The following TBC1D19 variants were observed in gnomAD, a reference collection of about 807,000 sequenced individuals.
TBC1D19 encodes the protein TBC1 domain family, member 19.
A neutral mutation model predicts 89.0 loss-of-function variants in TBC1D19; 60 were observed. The ratio of observed to expected loss-of-function variants is 0.67; its 90% CI spans 0.55 to 0.84. TBC1D19 has a LOEUF of 0.84. TBC1D19 is among the 40% of genes least tolerant of loss of function. The pLI, the probability that TBC1D19 is intolerant of heterozygous loss-of-function variation, is 0.00. For missense variants in TBC1D19, 500 were observed against 610.8 expected, an observed-to-expected ratio of 0.82 and a Z score of 1.91; for synonymous variants, 189 against 199.7, an observed-to-expected ratio of 0.95 and a Z score of 0.45.
chr4:26,831,486 C>T, the TBC1D19 span, among the ~76,000 whole-genome samples: 11 of 152,158 alleles, frequency 7.2e-5, no homozygotes, highest in South Asian at 2.1e-3. Context: ...TCAATAAAAC[C>T]TCATTTGCAA....
chr4:26,627,587 T>A (rs1742508335), intron 4 of TBC1D19, among the ~76,000 whole-genome samples: 1 of 152,140 alleles, frequency 6.6e-6, no homozygotes, highest in African/African-American at 2.4e-5. Flanking sequence ...CCATTCTAAC[T>A]GGTGTGAGAT....
At chr4:26,830,923 C>T in the TBC1D19 span, among the ~76,000 whole-genome samples, 1 of 152,144 alleles carries the variant, frequency 6.6e-6, no homozygotes, top group East Asian at 1.9e-4. Flanking sequence ...GTGTATATGC[C>T]CATTTTTAGC....
the TBC1D19 span, among the ~76,000 whole-genome samples, chr4:26,805,501 C>T: frequency 1.3e-5 from 2 of 152,184 alleles, no homozygotes; most frequent in African/African-American, 4.8e-5. Flanking sequence ...CCTCTTGCCC[C>T]ACCCCATCCT....
At chr4:26,698,310 G>A (rs969545720) in intron 13 of TBC1D19, among the ~76,000 whole-genome samples, 24 of 152,126 alleles carry the variant, frequency 1.6e-4, no homozygotes, top group African/African-American at 5.3e-4. Flanking sequence ...TACAAGGGAC[G>A]TGAAGGACCT....
chr4:26,630,918 A>G (rs1414177964), intron 4 of TBC1D19, among the ~76,000 whole-genome samples: 1 of 152,032 alleles, frequency 6.6e-6, no homozygotes, highest in Non-Finnish European at 1.5e-5. Context: ...GGAAACCTAA[A>G]GGATGGCCAA....
chr4:26,618,129 C>T (rs1252266304), intron 3 of TBC1D19, among the ~76,000 whole-genome samples: 1 of 152,172 alleles, frequency 6.6e-6, no homozygotes, highest in African/African-American at 2.4e-5. Flanking sequence ...CTATTGTGCA[C>T]AGAGCCAGGT....
intron 4 of TBC1D19, among the ~76,000 whole-genome samples, chr4:26,631,593 T>C (rs1294681498): frequency 6.6e-6 from 1 of 152,128 alleles, no homozygotes; most frequent in Non-Finnish European, 1.5e-5. Flanking sequence ...CAATGTTTAG[T>C]CATAGTATTT....
intron 15 of TBC1D19, among the ~76,000 whole-genome samples, chr4:26,726,159 A>G (rs974440975): frequency 2.0e-5 from 3 of 151,384 alleles, no homozygotes; most frequent in African/African-American, 7.3e-5. Flanking sequence ...ACACACACAC[A>G]CACACACACA....
chr4:26,750,434 T>C (rs1022387334), intron 19 of TBC1D19, among the ~76,000 whole-genome samples: 1 of 152,214 alleles, frequency 6.6e-6, no homozygotes, highest in Non-Finnish European at 1.5e-5. Context: ...TTAACTGTTA[T>C]GTGAAGGGTC....
chr4:26,783,565 T>A, the TBC1D19 span, among the ~76,000 whole-genome samples: 7 of 147,438 alleles, frequency 4.7e-5, no homozygotes, highest in African/African-American at 1.9e-4. Context: ...AGCACATTTT[T>A]TAAAAAAAAG....
intron 17 of TBC1D19, 122 bp from the exon 18 acceptor site, chr4:26,742,384 CTT>C (rs2109318095): frequency 6.6e-6 from 5 of 758,852 alleles, no homozygotes; most frequent in Admixed American, 6.1e-5. Flanking sequence ...GTTTTTGACT[CTT>C]AAACAGTATA....
chr4:26,704,950 A>T (rs983786337), intron 13 of TBC1D19, among the ~76,000 whole-genome samples: 2 of 152,114 alleles, frequency 1.3e-5, no homozygotes, highest in Admixed American at 6.5e-5. Context: ...TTTTGATAGT[A>T]GCCATCCTAA....
At chr4:26,730,202 A>C (rs1277689646) in intron 15 of TBC1D19, among the ~76,000 whole-genome samples, 2 of 152,216 alleles carry the variant, frequency 1.3e-5, no homozygotes, top group Non-Finnish European at 2.9e-5. Flanking sequence ...TTCTGCAAGC[A>C]TTTAATGAGT....
chr4:26,581,702 C>G (rs1739069416), upstream of TBC1D19, among the ~76,000 whole-genome samples: 1 of 152,190 alleles, frequency 6.6e-6, no homozygotes, highest in Admixed American at 6.5e-5. Flanking sequence ...TCCAGACACA[C>G]AGGTGGGAGA....
chr4:26,822,524 T>A, the TBC1D19 span, among the ~76,000 whole-genome samples: 6 of 151,948 alleles, frequency 3.9e-5, no homozygotes, highest in South Asian at 8.3e-4. Context: ...AAATATATAT[T>A]TTTTTGAAAA....
At chr4:26,741,662 T>C (rs1337119998) in intron 17 of TBC1D19, among the ~76,000 whole-genome samples, 1 of 151,784 alleles carries the variant, frequency 6.6e-6, no homozygotes, top group African/African-American at 2.4e-5. Flanking sequence ...AGTAAAAACT[T>C]ACGGGCAGTC....
At chr4:26,799,963 G>A in the TBC1D19 span, among the ~76,000 whole-genome samples, 2 of 152,090 alleles carry the variant, frequency 1.3e-5, no homozygotes. Context: ...AAAAAACTGT[G>A]TATAGATTTA....
At chr4:26,766,513 A>G in the TBC1D19 span, among the ~76,000 whole-genome samples, 1,931 of 152,246 alleles carry the variant, frequency 0.013, 34 homozygotes, top group African/African-American at 0.043. Context: ...CTCCACTCCT[A>G]AGTAACCACC....
intron 1 of TBC1D19, among the ~76,000 whole-genome samples, chr4:26,587,099 A>G (rs989943241): frequency 1.3e-5 from 2 of 152,164 alleles, no homozygotes; most frequent in African/African-American, 4.8e-5. Flanking sequence ...ATCTGTAGAT[A>G]TGTTCATATT....
Sources: allele counts gnomAD v4.1 joint callset (sites outside exome capture counted in the v4.1 genomes callset), GRCh38; gene constraint gnomAD v4.1.1; transcripts MANE v1.5; gene names NCBI Gene and HGNC (gene_info 2026-07-23, HGNC 2026-07-21).